PCDH15: variants seen among roughly 807,000 people sequenced by gnomAD.
PCDH15 encodes the protein protocadherin-15.
Under a neutral mutation model 178.5 loss-of-function variants are expected in PCDH15, and 129 were observed. The observed-to-expected ratio is 0.72, with a 90% CI of 0.63 to 0.84. The LOEUF (loss-of-function observed/expected upper bound fraction) is 0.84. Ranked by LOEUF, PCDH15 falls within the 40% of genes least tolerant of loss-of-function variation. PCDH15 has a pLI of 0.00. For missense variants in PCDH15, 2,230 were observed against 2,099.9 expected, an observed-to-expected ratio of 1.06 and a Z score of -1.21; for synonymous variants, 800 against 732.0, an observed-to-expected ratio of 1.09 and a Z score of -1.50.
chr10:54,533,586 T>C (rs868502815), intron 2 of PCDH15, among the ~76,000 whole-genome samples: 17 of 152,318 alleles, frequency 1.1e-4, no homozygotes, highest in Middle Eastern at 3.4e-3. Flanking sequence ...CTTAAAGGAA[T>C]AAAACTAAGA....
chr10:55,048,565 T>C (rs1841074062), intron 2 of PCDH15, among the ~76,000 whole-genome samples: 1 of 151,952 alleles, frequency 6.6e-6, no homozygotes, highest in South Asian at 2.1e-4. Context: ...AATTGCATCT[T>C]GTGAACTCTC....
intron 3 of PCDH15, among the ~76,000 whole-genome samples, chr10:54,884,128 G>A (rs549596172): frequency 1.6e-4 from 24 of 151,990 alleles, no homozygotes; most frequent in Non-Finnish European, 3.1e-4. Context: ...TAGTACAGCC[G>A]GGTATCAGAG....
chr10:55,319,419 T>C (rs1236848568), intron 1 of PCDH15, among the ~76,000 whole-genome samples: 2 of 152,088 alleles, frequency 1.3e-5, no homozygotes, highest in African/African-American at 4.8e-5. Flanking sequence ...ATAGAAATTT[T>C]AAAAATAGAT....
At chr10:53,836,598 T>C (rs1014949072) in intron 29 of PCDH15, among the ~76,000 whole-genome samples, 1 of 152,328 alleles carries the variant, frequency 6.6e-6, no homozygotes, top group Non-Finnish European at 1.5e-5. Flanking sequence ...GAAGTAATAA[T>C]TGCAACAGCA....
rs1360760468 is a variant in PCDH15 at position 54,346,419 on chromosome 10, A to G, written c.540T>C (p.Asp180=). The G allele has an allele frequency of 1.9e-6, 3 of 1,613,774 alleles. No homozygotes were observed. Among genetic ancestry groups the G allele is most frequent in the Non-Finnish European group, 2.5e-6 (3 of 1,179,730 alleles). Residue 180 remains aspartate, a synonymous_variant, in exon 6 of 38, where the codon GAT becomes GAC. Coordinates refer to ENST00000644397, the MANE Select transcript of PCDH15 (RefSeq NM_001384140.1). ...ACTCTATCTGTCCATTTGGTCCATC[A>G]TCTATATCTGTAGCTCCATTGTCTC... is the stretch of plus-strand genomic sequence containing the variant. ...FSGDNGATDI[D]DGPNGQIEYV...
At chr10:53,809,307 ATAATCT>A in intron 37 of PCDH15, 2 of 1,613,910 alleles carry the variant, frequency 1.2e-6, no homozygotes, top group Non-Finnish European at 1.7e-6. Context: ...TGAGTTTCAA[ATAATCT>A]TTATCTTCTT....
chr10:54,930,894 A>C (rs1387658414), intron 2 of PCDH15, among the ~76,000 whole-genome samples: 1 of 152,176 alleles, frequency 6.6e-6, no homozygotes, highest in Non-Finnish European at 1.5e-5. Flanking sequence ...GTACTTACTA[A>C]TAGAGTAACA....
At chr10:54,864,238 T>C (rs1019596912) in intron 3 of PCDH15, among the ~76,000 whole-genome samples, 2 of 152,000 alleles carry the variant, frequency 1.3e-5, no homozygotes, top group East Asian at 3.9e-4. Flanking sequence ...ACCATAATAA[T>C]AAGAGCAGAT....
chr10:55,416,036 AAAAC>A (rs962586002), intron 2 of PCDH15, among the ~76,000 whole-genome samples: 21 of 129,366 alleles, frequency 1.6e-4, no homozygotes, highest in African/African-American at 2.2e-4. Context: ...TTAAGGCAAA[AAAAC>A]AAACAAACAA....
At chr10:54,320,848 T>C (rs34272777) in intron 7 of PCDH15, among the ~76,000 whole-genome samples, 32 of 152,050 alleles carry the variant, frequency 2.1e-4, no homozygotes, top group African/African-American at 7.5e-4. Flanking sequence ...TAAGATAATG[T>C]GACCTCATAA....
intron 3 of PCDH15, among the ~76,000 whole-genome samples, chr10:54,884,250 T>C (rs1363176536): frequency 6.6e-6 from 1 of 151,984 alleles, no homozygotes; most frequent in Non-Finnish European, 1.5e-5. Context: ...GTAGTTTATA[T>C]AGGAGATAAA....
At chr10:54,092,714 C>T (rs531541014) in intron 15 of PCDH15, among the ~76,000 whole-genome samples, 12 of 152,138 alleles carry the variant, frequency 7.9e-5, no homozygotes, top group African/African-American at 2.9e-4. Context: ...AGATAGGAAC[C>T]ACAAATAATG....
intron 1 of PCDH15, among the ~76,000 whole-genome samples, chr10:55,244,306 T>G (rs1183442290): frequency 6.6e-6 from 1 of 152,016 alleles, no homozygotes; most frequent in Non-Finnish European, 1.5e-5. Flanking sequence ...GAGTGAAATA[T>G]TTGCCACCTT....
intron 2 of PCDH15, among the ~76,000 whole-genome samples, chr10:55,011,067 CAA>C (rs1840035477): frequency 6.6e-6 from 1 of 151,830 alleles, no homozygotes; most frequent in Non-Finnish European, 1.5e-5. Context: ...AAAAATATAT[CAA>C]GAGAGTAAAC....
intron 26 of PCDH15, among the ~76,000 whole-genome samples, chr10:53,874,532 C>T (rs2080091433): frequency 6.6e-6 from 1 of 152,094 alleles, no homozygotes; most frequent in African/African-American, 2.4e-5. Context: ...CCTGAATGGA[C>T]AGAAAAACCA....
intron 3 of PCDH15, among the ~76,000 whole-genome samples, chr10:54,821,408 T>G (rs1288105298): frequency 6.6e-6 from 1 of 151,806 alleles, no homozygotes; most frequent in Non-Finnish European, 1.5e-5. Flanking sequence ...TTTCTAACCC[T>G]TTTTAATAAA....
At chr10:53,909,211 G>A (rs2082893075) in intron 25 of PCDH15, among the ~76,000 whole-genome samples, 1 of 152,082 alleles carries the variant, frequency 6.6e-6, no homozygotes, top group Non-Finnish European at 1.5e-5. Flanking sequence ...CCTCTTTCCT[G>A]CTGCCTTGTG....
chr10:54,796,319 T>TATCTATCTATC (rs1564483816), intron 1 of PCDH15, among the ~76,000 whole-genome samples: 1 of 148,032 alleles, frequency 6.8e-6, no homozygotes, highest in African/African-American at 2.5e-5. Flanking sequence ...TCTATCTATC[T>TATCTATCTATC]ATCATCATCA....
intron 2 of PCDH15, among the ~76,000 whole-genome samples, chr10:55,478,381 C>A (rs967335812): frequency 6.6e-6 from 1 of 151,512 alleles, no homozygotes; most frequent in Non-Finnish European, 1.5e-5. Flanking sequence ...AATTAACCAG[C>A]ATAACTTGAA....
Sources: allele counts gnomAD v4.1 joint callset (sites outside exome capture counted in the v4.1 genomes callset), GRCh38; gene constraint gnomAD v4.1.1; transcripts MANE v1.5; gene names NCBI Gene and HGNC (gene_info 2026-07-23, HGNC 2026-07-21).